The following SH3D19 variants were observed in gnomAD, a reference collection of about 807,000 sequenced individuals.
SH3D19 encodes the protein SH3 domain containing 19.
A neutral mutation model predicts 112.1 loss-of-function variants in SH3D19; 58 were observed. The ratio of observed to expected loss-of-function variants is 0.52; its 90% CI spans 0.42 to 0.64. The LOEUF is 0.64. SH3D19 is among the 30% of genes least tolerant of loss of function. SH3D19 has a pLI of 0.00. For synonymous variants in SH3D19, 391 were observed against 448.5 expected (o/e 0.87, Z 1.62); for missense variants, 1,090 against 1,263.4 (o/e 0.86, Z 2.08).
chr4:151,179,028 A>T (rs1481549250), intron 4 of SH3D19, among the ~76,000 whole-genome samples: 2 of 152,162 alleles, frequency 1.3e-5, no homozygotes, highest in African/African-American at 4.8e-5. Context: ...CCATTTGGTT[A>T]GGCAACATGT....
intron 9 of SH3D19, among the ~76,000 whole-genome samples, chr4:151,156,039 A>G (rs1756046051): frequency 6.6e-6 from 1 of 152,150 alleles, no homozygotes; most frequent in Non-Finnish European, 1.5e-5. Flanking sequence ...AGAACTAGCT[A>G]AAAAAAGAAA....
rs542629950 is a variant in SH3D19, at chr4:151,227,188, A to T, written c.113-1102T>A. 2.0e-5 allele frequency among the ~76,000 whole-genome samples: 3 copies of T among 152,338 alleles called. No individual in the cohort carries two copies. In the South Asian group the frequency reaches 6.2e-4, roughly 32 times the overall value. On this transcript the variant is annotated intron_variant, in intron 1 of 19. Transcript: ENST00000604030. The stretch of plus-strand genomic sequence containing the variant: ...CAGGAATGCTTTTAGTTTTTCCTTA[A>T]TTTTATTGCTGTTAGAACAGAATAA...
At chr4:151,189,619 C>G (rs1325804991) in intron 2 of SH3D19, among the ~76,000 whole-genome samples, 2 of 152,088 alleles carry the variant, frequency 1.3e-5, no homozygotes, top group Non-Finnish European at 2.9e-5. Context: ...AGAGGCATTC[C>G]CTTGCACAAA....
chr4:151,313,358 C>T, intron 1 of SH3D19, among the ~76,000 whole-genome samples: 1 of 152,044 alleles, frequency 6.6e-6, no homozygotes, highest in Non-Finnish European at 1.5e-5. Flanking sequence ...CATTATTAAG[C>T]ATCTAATTAA....
chr4:151,245,009 T>C (rs985320513), intron 1 of SH3D19, among the ~76,000 whole-genome samples: 13 of 152,014 alleles, frequency 8.6e-5, no homozygotes, highest in Admixed American at 8.5e-4. Flanking sequence ...CCGGGTGTGG[T>C]GGCACACACC....
chr4:151,295,050 T>C (rs565820441), intron 1 of SH3D19, among the ~76,000 whole-genome samples: 1 of 152,140 alleles, frequency 6.6e-6, no homozygotes, highest in Non-Finnish European at 1.5e-5. Flanking sequence ...GCTGGGACAC[T>C]GTGAGCAAAG....
chr4:151,287,130 C>G (rs765969124), intron 1 of SH3D19, among the ~76,000 whole-genome samples: 1 of 151,690 alleles, frequency 6.6e-6, no homozygotes, highest in Non-Finnish European at 1.5e-5. Flanking sequence ...CACCTGATGT[C>G]AGGAGTTTGG....
chr4:151,183,867 AG>A (rs1178424868), intron 3 of SH3D19, among the ~76,000 whole-genome samples: 1 of 152,194 alleles, frequency 6.6e-6, no homozygotes, highest in African/African-American at 2.4e-5. Flanking sequence ...TCAGGAAACA[AG>A]GTTCATATCT....
chr4:151,298,168 T>C (rs534594722), intron 1 of SH3D19, among the ~76,000 whole-genome samples: 1 of 149,700 alleles, frequency 6.7e-6, no homozygotes, highest in East Asian at 2.0e-4. Flanking sequence ...CCTCCAGAAT[T>C]ACAGAATAAT....
chr4:151,140,532 C>T (rs1019620765), intron 12 of SH3D19: 1 of 152,170 alleles, frequency 6.6e-6, no homozygotes, highest in African/African-American at 2.4e-5. Flanking sequence ...CCGAGATTGG[C>T]CAGAGGATAA....
intron 1 of SH3D19, among the ~76,000 whole-genome samples, chr4:151,290,182 T>C (rs1490325651): frequency 2.0e-5 from 3 of 152,206 alleles, no homozygotes; most frequent in Admixed American, 1.3e-4. Flanking sequence ...ATGCCTGGCC[T>C]GATCCTCCTG....
intron 2 of SH3D19, among the ~76,000 whole-genome samples, chr4:151,196,904 T>A (rs1211790377): frequency 1.3e-5 from 2 of 152,126 alleles, no homozygotes; most frequent in South Asian, 2.1e-4. Context: ...CCCGACATCA[T>A]TAATTATCAG....
At chr4:151,307,708 G>T (rs1472472815) in intron 1 of SH3D19, among the ~76,000 whole-genome samples, 1 of 152,202 alleles carries the variant, frequency 6.6e-6, no homozygotes, top group Non-Finnish European at 1.5e-5. Context: ...GACACCAAAC[G>T]GCAAACATCT....
At chr4:151,278,523 C>A (rs1196402016) in intron 1 of SH3D19, among the ~76,000 whole-genome samples, 1 of 152,126 alleles carries the variant, frequency 6.6e-6, no homozygotes, top group African/African-American at 2.4e-5. Flanking sequence ...AATATAGCAC[C>A]TGTCTCCAAC....
intron 1 of SH3D19, among the ~76,000 whole-genome samples, chr4:151,287,749 A>G (rs1353808081): frequency 6.6e-6 from 1 of 152,180 alleles, no homozygotes; most frequent in African/African-American, 2.4e-5. Flanking sequence ...TTTAAATATT[A>G]GCCACCTGTA....
chr4:151,271,932 G>C (rs537388902), intron 1 of SH3D19, among the ~76,000 whole-genome samples: 104 of 152,218 alleles, frequency 6.8e-4, no homozygotes, highest in African/African-American at 2.4e-3. Flanking sequence ...CGTTAATGAT[G>C]GCATAGGGTA....
rs773825106 is a variant in SH3D19, at chr4:151,147,983, T to G, written c.2021A>C (p.Asn674Thr). 9 of 1,614,144 alleles carry G rather than the reference T, an allele frequency of 5.6e-6. No homozygotes were observed. Among genetic ancestry groups the G allele is most frequent in the Non-Finnish European group, 7.6e-6 (9 of 1,180,020 alleles). ...LSKAKSQVFK[N>T]QDPVLPPRPK... ...ACGAGGGGGTAGCACCGGATCTTGA[T>G]TTTTAAAAACTTGACTCTTGGCTTT... Residue 674 changes from asparagine to threonine, a missense_variant, in exon 11 of 20, where the codon AAT becomes ACT. Asn to Thr is a moderately conservative substitution (Grantham distance 65, BLOSUM62 0). Coordinates refer to ENST00000604030, the MANE Select transcript of SH3D19 (RefSeq NM_001378122.1).
intron 9 of SH3D19, among the ~76,000 whole-genome samples, chr4:151,150,386 C>A (rs545985943): frequency 4.0e-5 from 6 of 148,500 alleles, no homozygotes; most frequent in Admixed American, 1.4e-4. Context: ...CGTGATCACA[C>A]ATAAGAAACA....
intron 1 of SH3D19, among the ~76,000 whole-genome samples, chr4:151,304,132 C>T (rs1184515555): frequency 6.6e-6 from 1 of 152,030 alleles, no homozygotes; most frequent in African/African-American, 2.4e-5. Context: ...TTATCTTAAT[C>T]AGTTTTTTTC....
Sources: allele counts gnomAD v4.1 joint callset (sites outside exome capture counted in the v4.1 genomes callset), GRCh38; gene constraint gnomAD v4.1.1; transcripts MANE v1.5; gene names NCBI Gene and HGNC (gene_info 2026-07-23, HGNC 2026-07-21).